CENPW: variants seen among roughly 807,000 people sequenced by gnomAD.
CENPW encodes centromere protein W, also known as cancer-up-regulated gene 2 protein.
CENPW carries 3 observed loss-of-function variants against 11.1 expected under a neutral mutation model. That is an observed-to-expected ratio of 0.27 (90% CI 0.12 to 0.70). The LOEUF is 0.70. Among genes scored for constraint, CENPW ranks in the 30% least tolerant of loss-of-function variants. CENPW has a pLI of 0.77. For synonymous variants in CENPW, 38 were observed against 42.0 expected (o/e 0.91, Z 0.37); for missense variants, 100 against 105.6 (o/e 0.95, Z 0.23).
At chr6:126,373,466 A>G in the CENPW span, among the ~76,000 whole-genome samples, 1 of 152,250 alleles carries the variant, frequency 6.6e-6, no homozygotes, top group Non-Finnish European at 1.5e-5. Flanking sequence ...GCTGCATAAC[A>G]AACTACTCTA....
the CENPW span, among the ~76,000 whole-genome samples, chr6:126,469,098 T>G: frequency 3.3e-5 from 5 of 152,120 alleles, no homozygotes; most frequent in Non-Finnish European, 7.3e-5. Flanking sequence ...CAGCCAAGCA[T>G]TTCTATATCT....
At chr6:126,464,938 C>T in the CENPW span, among the ~76,000 whole-genome samples, 2 of 152,082 alleles carry the variant, frequency 1.3e-5, no homozygotes, top group Non-Finnish European at 2.9e-5. Context: ...TGCTTTCTTT[C>T]TAAGATCAGG....
chr6:126,381,737 C>T, the CENPW span, among the ~76,000 whole-genome samples: 6 of 152,098 alleles, frequency 3.9e-5, no homozygotes, highest in South Asian at 2.1e-4. Flanking sequence ...TGGCTGGCAC[C>T]GCCCATCATA....
the CENPW span, among the ~76,000 whole-genome samples, chr6:126,403,745 A>G: frequency 6.6e-6 from 1 of 152,164 alleles, no homozygotes; most frequent in Non-Finnish European, 1.5e-5. Context: ...AAGATGAAAC[A>G]GTAAGTGCTG....
chr6:126,422,554 T>C, the CENPW span, among the ~76,000 whole-genome samples: 2 of 152,134 alleles, frequency 1.3e-5, no homozygotes, highest in Non-Finnish European at 2.9e-5. Flanking sequence ...CTCACCCTTA[T>C]GATGACAGGA....
the CENPW span, among the ~76,000 whole-genome samples, chr6:126,475,144 G>A: frequency 4.0e-5 from 6 of 151,788 alleles, no homozygotes; most frequent in African/African-American, 1.5e-4. Flanking sequence ...AACATGTTTT[G>A]AAAATTCAAA....
the CENPW span, among the ~76,000 whole-genome samples, chr6:126,365,632 A>G: frequency 1.3e-5 from 2 of 152,214 alleles, no homozygotes; most frequent in African/African-American, 4.8e-5. Context: ...GGGTGGGGAC[A>G]CAGAAGCAGA....
chr6:126,432,219 A>G, the CENPW span, among the ~76,000 whole-genome samples: 1 of 152,188 alleles, frequency 6.6e-6, no homozygotes, highest in Non-Finnish European at 1.5e-5. Flanking sequence ...AATGTCCATA[A>G]ATACTCATGG....
At chr6:126,442,457 C>G in the CENPW span, among the ~76,000 whole-genome samples, 1 of 151,406 alleles carries the variant, frequency 6.6e-6, no homozygotes, top group Non-Finnish European at 1.5e-5. Flanking sequence ...AAAATCTTCA[C>G]AATCTATACA....
the CENPW span, among the ~76,000 whole-genome samples, chr6:126,374,286 G>A: frequency 6.6e-6 from 1 of 152,084 alleles, no homozygotes; most frequent in African/African-American, 2.4e-5. Context: ...TTTTTTAAAG[G>A]CCGATGCAAT....
chr6:126,461,858 A>G, the CENPW span, among the ~76,000 whole-genome samples: 1 of 151,990 alleles, frequency 6.6e-6, no homozygotes, highest in East Asian at 1.9e-4. Context: ...ATAAAATTAG[A>G]AGGCCCAACT....
At chr6:126,352,696 GTA>G (rs1780504943), downstream of CENPW, among the ~76,000 whole-genome samples, 1 of 152,018 alleles carries the variant, frequency 6.6e-6, no homozygotes, top group Non-Finnish European at 1.5e-5. Flanking sequence ...CATAATCAGT[GTA>G]TATTTGGGTT....
chr6:126,404,989 G>GCAGA, the CENPW span, among the ~76,000 whole-genome samples: 1 of 151,444 alleles, frequency 6.6e-6, no homozygotes, highest in Admixed American at 6.6e-5. Flanking sequence ...CCTTTGCTGT[G>GCAGA]CAGAAACTTC....
the CENPW span, among the ~76,000 whole-genome samples, chr6:126,377,653 A>G: frequency 6.7e-6 from 1 of 150,236 alleles, no homozygotes; most frequent in African/African-American, 2.5e-5. Context: ...CTTTTAAGAA[A>G]TATATTTTAA....
chr6:126,399,309 C>T, the CENPW span, among the ~76,000 whole-genome samples: 8 of 151,812 alleles, frequency 5.3e-5, no homozygotes, highest in African/African-American at 1.9e-4. Flanking sequence ...GGATGGGGAC[C>T]AGGGGATATG....
intron 1 of CENPW, among the ~76,000 whole-genome samples, chr6:126,345,679 A>ATAACT (rs67316676): frequency 0.49 from 74,432 of 151,436 alleles, 19,331 homozygotes; most frequent in East Asian, 0.97. Flanking sequence ...TGGATGACAA[A>ATAACT]TGACCTTTGT....
chr6:126,438,372 G>T, the CENPW span, among the ~76,000 whole-genome samples: 1 of 151,596 alleles, frequency 6.6e-6, no homozygotes, highest in East Asian at 1.9e-4. Context: ...TAAAGTAAGG[G>T]CTCCTAATGA....
chr6:126,454,631 T>C, the CENPW span, among the ~76,000 whole-genome samples: 1 of 151,014 alleles, frequency 6.6e-6, no homozygotes, highest in African/African-American at 2.4e-5. Context: ...GAAAGATCTC[T>C]AATTAATAAC....
chr6:126,360,473 C>A, the CENPW span, among the ~76,000 whole-genome samples: 1 of 152,118 alleles, frequency 6.6e-6, no homozygotes, highest in African/African-American at 2.4e-5. Flanking sequence ...GTCAACCATT[C>A]TGGCTAGATT....
Sources: gnomAD v4.1 joint callset for allele counts (sites outside exome capture counted in the v4.1 genomes callset) on GRCh38, gnomAD v4.1.1 for gene constraint, MANE v1.5 for transcripts, NCBI Gene and HGNC (gene_info 2026-07-23, HGNC 2026-07-21) for gene names.